CNTNAP5: variants seen among roughly 807,000 people sequenced by gnomAD.
CNTNAP5 encodes contactin-associated protein-like 5.
A neutral mutation model predicts 150.2 loss-of-function variants in CNTNAP5; 72 were observed. The observed-to-expected ratio is 0.48, with a 90% CI of 0.40 to 0.58. The LOEUF (loss-of-function observed/expected upper bound fraction) is 0.58, where lower values mean the gene tolerates loss of function less well. CNTNAP5 is among the 20% of genes least tolerant of loss of function. The pLI is 0.00. For synonymous variants in CNTNAP5, 672 were observed against 619.8 expected, an observed-to-expected ratio of 1.08 and a Z score of -1.25; for missense variants, 1,636 against 1,626.2, an observed-to-expected ratio of 1.01 and a Z score of -0.10.
At chr2:124,588,243 C>T (rs1226069603) in intron 11 of CNTNAP5, among the ~76,000 whole-genome samples, 1 of 126,502 alleles carries the variant, frequency 7.9e-6, no homozygotes, top group Admixed American at 8.8e-5. Flanking sequence ...TTTCTTCTTT[C>T]TTTATTTCCT....
intron 17 of CNTNAP5, among the ~76,000 whole-genome samples, chr2:124,776,096 G>A (rs533806627): frequency 4.6e-5 from 7 of 152,254 alleles, no homozygotes; most frequent in South Asian, 4.1e-4. Context: ...AATTAGGAAC[G>A]ACTGTCACAC....
At chr2:124,344,958 T>C (rs1039317384) in intron 3 of CNTNAP5, among the ~76,000 whole-genome samples, 1 of 152,086 alleles carries the variant, frequency 6.6e-6, no homozygotes, top group Non-Finnish European at 1.5e-5. Flanking sequence ...TACTTGGAAG[T>C]GGGGAGAAGC....
intron 1 of CNTNAP5, among the ~76,000 whole-genome samples, chr2:124,192,483 T>A (rs1328214015): frequency 6.6e-6 from 1 of 151,882 alleles, no homozygotes; most frequent in Non-Finnish European, 1.5e-5. Context: ...TTAACTCTAT[T>A]CCCCCCAAAC....
chr2:124,601,839 A>T (rs757356327), intron 11 of CNTNAP5, among the ~76,000 whole-genome samples: 1 of 152,238 alleles, frequency 6.6e-6, no homozygotes, highest in Non-Finnish European at 1.5e-5. Flanking sequence ...ACTGGAATTG[A>T]CAACTGATAC....
At chr2:124,194,432 A>G (rs1685535916) in intron 1 of CNTNAP5, among the ~76,000 whole-genome samples, 1 of 144,186 alleles carries the variant, frequency 6.9e-6, no homozygotes, top group Non-Finnish European at 1.5e-5. Context: ...GGTGTGCTGT[A>G]TGTTCAGGTA....
intron 17 of CNTNAP5, among the ~76,000 whole-genome samples, chr2:124,779,851 C>T (rs1223680442): frequency 6.6e-6 from 1 of 152,122 alleles, no homozygotes; most frequent in Non-Finnish European, 1.5e-5. Context: ...TGGTACACCC[C>T]CCTATCTCTG....
intron 1 of CNTNAP5, among the ~76,000 whole-genome samples, chr2:124,113,906 A>G (rs1409982788): frequency 6.6e-6 from 1 of 151,836 alleles, no homozygotes; most frequent in African/African-American, 2.4e-5. Flanking sequence ...CCTTTGCTAT[A>G]TATCAAGTGT....
At chr2:124,526,423 G>A (rs1694969631) in intron 9 of CNTNAP5, among the ~76,000 whole-genome samples, 1 of 152,114 alleles carries the variant, frequency 6.6e-6, no homozygotes, top group Non-Finnish European at 1.5e-5. Flanking sequence ...GTCTATTAGA[G>A]ACGGCTGAAA....
At chr2:124,455,219 T>G (rs1693093198) in intron 6 of CNTNAP5, among the ~76,000 whole-genome samples, 1 of 151,416 alleles carries the variant, frequency 6.6e-6, no homozygotes, top group African/African-American at 2.4e-5. Context: ...ATGAGAGACA[T>G]TACAACTGAC....
In CNTNAP5 at chr2:124,138,679, C is replaced by A. The variant is rs78705309; in HGVS notation, c.83-83026C>A. 4.7e-4 allele frequency among the ~76,000 whole-genome samples: 72 copies of A among 152,152 alleles called. 2 individuals carry two copies. The East Asian group carries it at 0.011, about 24-fold the overall frequency. ...TGCAAAGCCAAATTGGAGAATTGGT[C>A]CCCGAGTTTGAGAGAAAATCTATTT... On this transcript the variant is annotated intron_variant, in intron 1 of 23. Transcript: ENST00000682447.
chr2:124,512,932 T>C (rs1694626631), intron 8 of CNTNAP5, among the ~76,000 whole-genome samples: 1 of 152,226 alleles, frequency 6.6e-6, no homozygotes, highest in South Asian at 2.1e-4. Context: ...CCTGTAGCTA[T>C]GGTCAACATG....
chr2:124,135,885 G>A lies in CNTNAP5; in HGVS notation c.83-85820G>A, dbSNP rs113238485. On this transcript the variant is annotated intron_variant, in intron 1 of 23. Coordinates refer to ENST00000682447, the MANE Select transcript of CNTNAP5 (RefSeq NM_001367498.1). ...TATTCCTTTCTGTCCTCCAAGCTAG[G>A]ACAATCACAATCTCCTTCACGAAGA... is the stretch of plus-strand genomic sequence containing the variant. 2.8e-3 allele frequency among the ~76,000 whole-genome samples: 422 copies of A among 152,230 alleles called. 2 individuals are homozygous for A. In the Middle Eastern group the frequency reaches 0.031, roughly 11 times the overall value.
At chr2:124,781,232 G>C (rs1480299973) in intron 17 of CNTNAP5, among the ~76,000 whole-genome samples, 1 of 152,128 alleles carries the variant, frequency 6.6e-6, no homozygotes, top group Non-Finnish European at 1.5e-5. Context: ...TTCACTCTTT[G>C]GGAGGTACAG....
At chr2:124,100,580 A>T (rs982591101) in intron 1 of CNTNAP5, among the ~76,000 whole-genome samples, 2 of 152,132 alleles carry the variant, frequency 1.3e-5, no homozygotes, top group African/African-American at 4.8e-5. Context: ...AATAAAGTAA[A>T]GTTGGCTGAG....
chr2:124,464,612 G>T (rs1210227240), intron 6 of CNTNAP5, among the ~76,000 whole-genome samples: 4 of 152,168 alleles, frequency 2.6e-5, no homozygotes, highest in African/African-American at 9.6e-5. Context: ...ACAAAACGAT[G>T]ACCCTGGGCA....
chr2:124,290,621 T>A (rs1458909374), intron 3 of CNTNAP5, among the ~76,000 whole-genome samples: 1 of 152,216 alleles, frequency 6.6e-6, no homozygotes, highest in African/African-American at 2.4e-5. Flanking sequence ...ATAGTTCTGC[T>A]GTCATCCACA....
At chr2:124,513,313 C>A (rs1694635953) in intron 8 of CNTNAP5, among the ~76,000 whole-genome samples, 6 of 152,158 alleles carry the variant, frequency 3.9e-5, no homozygotes, top group Admixed American at 3.3e-4. Flanking sequence ...CATATGGAAA[C>A]TTATTTTACC....
intron 23 of CNTNAP5, among the ~76,000 whole-genome samples, chr2:124,913,299 G>A (rs1320438803): frequency 1.3e-5 from 2 of 152,050 alleles, no homozygotes; most frequent in Admixed American, 6.6e-5. Context: ...CCGCTTCCAT[G>A]TTTTCACTAT....
chr2:124,029,489 A>C lies in CNTNAP5; in HGVS notation c.82+3757A>C, dbSNP rs780156561. On this transcript the variant is annotated intron_variant, in intron 1 of 23. Coordinates refer to ENST00000682447, the MANE Select transcript of CNTNAP5 (RefSeq NM_001367498.1). ...TCCCATAGTCCCCCATCTCAAAACT[A>C]AATTGATATTTCTGCAATTGGGAAA... Among the ~76,000 whole-genome samples the C allele has an allele frequency of 3.9e-4, 59 of 152,042 alleles. 1 individual carries two copies. Among genetic ancestry groups the C allele is most frequent in the Non-Finnish European group, 1.6e-4 (11 of 67,938 alleles).
Sources: gnomAD v4.1 joint callset for allele counts (sites outside exome capture counted in the v4.1 genomes callset) on GRCh38, gnomAD v4.1.1 for gene constraint, MANE v1.5 for transcripts, NCBI Gene and HGNC (gene_info 2026-07-23, HGNC 2026-07-21) for gene names.